INPP4B: variants seen among roughly 807,000 people sequenced by gnomAD.
INPP4B encodes the protein inositol polyphosphate 4-phosphatase type II.
Under a neutral mutation model 122.5 loss-of-function variants are expected in INPP4B, and 55 were observed. The ratio of observed to expected loss-of-function variants is 0.45; its 90% CI spans 0.36 to 0.56. INPP4B has a LOEUF of 0.56. Ranked by LOEUF, INPP4B falls within the 20% of genes least tolerant of loss-of-function variation. The pLI is 0.00. For synonymous variants in INPP4B, 403 were observed against 388.7 expected (o/e 1.04, Z -0.43); for missense variants, 1,000 against 1,097.7 (o/e 0.91, Z 1.26).
chr4:142,523,459 T>C (rs754973073), intron 2 of INPP4B, among the ~76,000 whole-genome samples: 5 of 152,034 alleles, frequency 3.3e-5, no homozygotes, highest in Non-Finnish European at 5.9e-5. Context: ...CTTTCAGTTA[T>C]AGGTTTTATT....
At chr4:142,541,246 C>T (rs139680875) in intron 2 of INPP4B, among the ~76,000 whole-genome samples, 4 of 152,296 alleles carry the variant, frequency 2.6e-5, no homozygotes, top group African/African-American at 9.6e-5. Flanking sequence ...AATTATTACT[C>T]TTTTATGAAT....
intron 2 of INPP4B, among the ~76,000 whole-genome samples, chr4:142,473,688 G>A (rs921873223): frequency 3.9e-5 from 6 of 152,164 alleles, no homozygotes; most frequent in South Asian, 2.1e-4. Flanking sequence ...CTAGTCCAGC[G>A]GTCCCACTTC....
intron 18 of INPP4B, among the ~76,000 whole-genome samples, chr4:142,142,643 G>A (rs191339993): frequency 7.2e-5 from 11 of 152,102 alleles, no homozygotes; most frequent in African/African-American, 2.6e-4. Flanking sequence ...ACATATGGGA[G>A]GATGTCATCA....
chr4:142,630,894 G>A (rs1338889879), intron 2 of INPP4B, among the ~76,000 whole-genome samples: 2 of 152,010 alleles, frequency 1.3e-5, no homozygotes, highest in African/African-American at 2.4e-5. Context: ...TCTTTACTGG[G>A]ACCGCAGCTT....
chr4:142,564,834 C>G (rs1175402956), intron 2 of INPP4B, among the ~76,000 whole-genome samples: 1 of 152,044 alleles, frequency 6.6e-6, no homozygotes, highest in Non-Finnish European at 1.5e-5. Context: ...CAGGCACTCT[C>G]ATATTATTTT....
At chr4:142,716,878 T>C (rs1763842599) in intron 2 of INPP4B, among the ~76,000 whole-genome samples, 1 of 152,214 alleles carries the variant, frequency 6.6e-6, no homozygotes, top group African/African-American at 2.4e-5. Flanking sequence ...CTTTCACATT[T>C]CTGCCTTCTC....
chr4:142,798,558 G>A (rs1443793656), intron 1 of INPP4B, among the ~76,000 whole-genome samples: 1 of 151,762 alleles, frequency 6.6e-6, no homozygotes, highest in African/African-American at 2.4e-5. Flanking sequence ...GAGGAATAAG[G>A]AGTCTCCATG....
chr4:142,038,845 C>T (rs1186237645), intron 25 of INPP4B, among the ~76,000 whole-genome samples: 1 of 152,050 alleles, frequency 6.6e-6, no homozygotes, highest in East Asian at 1.9e-4. Context: ...TGCAATACGA[C>T]GTCTTTTTAG....
chr4:142,329,231 G>A (rs1773561543), intron 7 of INPP4B, among the ~76,000 whole-genome samples: 1 of 152,186 alleles, frequency 6.6e-6, no homozygotes, highest in Admixed American at 6.5e-5. Context: ...TCCCTGAGGT[G>A]GGTTTCCCTG....
At chr4:142,207,406 T>C (rs1843006858) in intron 14 of INPP4B, among the ~76,000 whole-genome samples, 1 of 152,184 alleles carries the variant, frequency 6.6e-6, no homozygotes, top group Non-Finnish European at 1.5e-5. Context: ...ACATTTTCAC[T>C]AACGGTGTAC....
chr4:142,053,480 A>T (rs1578737453), intron 25 of INPP4B, among the ~76,000 whole-genome samples: 1 of 152,094 alleles, frequency 6.6e-6, no homozygotes, highest in Non-Finnish European at 1.5e-5. Context: ...TGATATTGGT[A>T]CTAGTATCAT....
At chr4:142,083,850 G>T (rs950875604) in intron 24 of INPP4B, among the ~76,000 whole-genome samples, 1 of 151,628 alleles carries the variant, frequency 6.6e-6, no homozygotes, top group Non-Finnish European at 1.5e-5. Context: ...GACCATAATG[G>T]CTATTTATGA....
chr4:142,369,480 G>A (rs1788911258), intron 7 of INPP4B, among the ~76,000 whole-genome samples: 1 of 151,762 alleles, frequency 6.6e-6, no homozygotes, highest in African/African-American at 2.4e-5. Flanking sequence ...GGGAGGCTGA[G>A]GTAGGAGGAT....
intron 10 of INPP4B, among the ~76,000 whole-genome samples, chr4:142,264,969 TCTCTCTCTCCCTCTCTCTCC>T (rs149403044): frequency 6.6e-6 from 1 of 151,588 alleles, no homozygotes; most frequent in Non-Finnish European, 1.5e-5. Context: ...TCTTTCTCTC[TCTCTCTCTCCCTCTCTCTCC>T]CTCTCTCTCC....
chr4:142,167,185 A>C (rs557696238), intron 16 of INPP4B, among the ~76,000 whole-genome samples: 82 of 151,646 alleles, frequency 5.4e-4, no homozygotes, highest in African/African-American at 1.9e-3. Flanking sequence ...AATGTAGTAC[A>C]TACACACCAT....
intron 25 of INPP4B, among the ~76,000 whole-genome samples, chr4:142,058,280 T>C (rs1244835436): frequency 1.3e-5 from 2 of 152,124 alleles, no homozygotes; most frequent in African/African-American, 4.8e-5. Context: ...TTTATACTGA[T>C]TTGACATTTT....
At chr4:142,405,427 A>T (rs765882395) in intron 5 of INPP4B, 103 bp from the exon 6 acceptor site, 216 of 706,920 alleles carry the variant, frequency 3.1e-4, no homozygotes, top group Non-Finnish European at 5.1e-4. Flanking sequence ...CACTGAAGGA[A>T]ATCTCCTGGG....
At chr4:142,806,839 GA>G (rs921855008) in intron 1 of INPP4B, among the ~76,000 whole-genome samples, 1 of 148,892 alleles carries the variant, frequency 6.7e-6, no homozygotes, top group African/African-American at 2.5e-5. Flanking sequence ...AAGAAAGAAA[GA>G]AAGAAAGAAA....
At chr4:142,515,254 A>G (rs1332808473) in intron 2 of INPP4B, among the ~76,000 whole-genome samples, 1 of 152,052 alleles carries the variant, frequency 6.6e-6, no homozygotes, top group African/African-American at 2.4e-5. Context: ...GTCAACTTTC[A>G]CTCAGATGAA....
Sources: allele counts gnomAD v4.1 joint callset (sites outside exome capture counted in the v4.1 genomes callset), GRCh38; gene constraint gnomAD v4.1.1; transcripts MANE v1.5; gene names NCBI Gene and HGNC (gene_info 2026-07-23, HGNC 2026-07-21).